The following ARHGAP17 variants were observed in gnomAD, a reference collection of about 807,000 sequenced individuals.
ARHGAP17 encodes the protein rho GTPase-activating protein 17.
In ARHGAP17, 57 loss-of-function variants were observed where a neutral mutation model predicts 99.5. That is an observed-to-expected ratio of 0.57 (90% CI 0.46 to 0.71). The LOEUF (loss-of-function observed/expected upper bound fraction) is 0.71. Ranked by LOEUF, ARHGAP17 falls within the 30% of genes least tolerant of loss-of-function variation. ARHGAP17 has a pLI of 0.00. For synonymous variants in ARHGAP17, 417 were observed against 429.6 expected (o/e 0.97, Z 0.36); for missense variants, 1,000 against 1,122.4 (o/e 0.89, Z 1.56).
intron 1 of ARHGAP17, among the ~76,000 whole-genome samples, chr16:25,006,759 C>T (rs544795255): frequency 6.6e-6 from 1 of 152,280 alleles, no homozygotes; most frequent in Admixed American, 6.5e-5. Flanking sequence ...GCCAAAGTCT[C>T]GTGACTCACA....
chr16:24,965,056 A>G lies in ARHGAP17; in HGVS notation c.462-748T>C, dbSNP rs138690125. On this transcript the variant is annotated intron_variant, in intron 6 of 19. Transcript: ENST00000289968. Reference sequence around the variant, plus strand: ...GGGGAAAAGTGGGAAATAATCATAGAAAACAATTTGTTTTGATTTTCAAAT... The same window carrying G: ...GGGGAAAAGTGGGAAATAATCATAGGAAACAATTTGTTTTGATTTTCAAAT... 3.3e-3 allele frequency among the ~76,000 whole-genome samples: 504 copies of G among 152,372 alleles called. 5 individuals carry two copies. The highest frequency in any genetic ancestry group is 0.011 in the African/African-American group (477 of 41,598).
chr16:24,946,665 G>A (rs1282587561), intron 14 of ARHGAP17, among the ~76,000 whole-genome samples: 2 of 152,212 alleles, frequency 1.3e-5, no homozygotes, highest in African/African-American at 2.4e-5. Context: ...TGTGAAGGAT[G>A]CCCTCCTTAT....
intron 1 of ARHGAP17, among the ~76,000 whole-genome samples, chr16:25,007,886 A>T (rs1567272703): frequency 6.6e-6 from 1 of 152,198 alleles, no homozygotes; most frequent in Non-Finnish European, 1.5e-5. Context: ...CACGTTCACC[A>T]TGGCAACAAG....
At chr16:24,934,271 C>T (rs943345443) in intron 18 of ARHGAP17, among the ~76,000 whole-genome samples, 1 of 152,160 alleles carries the variant, frequency 6.6e-6, no homozygotes, top group Non-Finnish European at 1.5e-5. Context: ...AGCAATTCTC[C>T]TGCCTCAGCC....
intron 14 of ARHGAP17, among the ~76,000 whole-genome samples, chr16:24,946,330 C>G (rs558328295): frequency 6.6e-5 from 10 of 151,798 alleles, no homozygotes; most frequent in African/African-American, 2.4e-4. Context: ...CACGAAGCCA[C>G]GTGACATGCC....
At position 24,931,377 on chromosome 16, in the gene ARHGAP17, G is replaced by C; in HGVS notation, c.1922C>G (p.Pro641Arg). 3 of 1,513,706 alleles carry C rather than the reference G, an allele frequency of 2.0e-6. No individual in the cohort carries two copies. The highest frequency in any genetic ancestry group is 2.6e-6 in the Non-Finnish European group (3 of 1,134,276). 93.8% of individuals were successfully genotyped at this position (1,513,706 alleles called of 1,614,324 possible). The part of the protein sequence containing the change: ...RAVKKPAPAP[P>R]KPGNPPPGHP... ...GCCAGGAGGTGGGTTGCCCGGTTTC[G>C]GGGGTGCTGGAGCGGGTTTTTTAAC... Residue 641 changes from proline to arginine, a missense_variant, in exon 19 of 20, where the codon CCG (proline) becomes CGG (arginine). This residue lies in a region of ARHGAP17 where 528 missense variants were observed against 511.4 expected (regional missense o/e 1.03). Transcript: ENST00000289968.
intron 1 of ARHGAP17, among the ~76,000 whole-genome samples, chr16:25,013,502 T>C (rs1292181840): frequency 6.6e-6 from 1 of 152,062 alleles, no homozygotes; most frequent in African/African-American, 2.4e-5. Flanking sequence ...CCACCTGTAG[T>C]TCCAACCACA....
At chr16:24,937,073 C>T (rs1173196480) in intron 17 of ARHGAP17, among the ~76,000 whole-genome samples, 1 of 150,882 alleles carries the variant, frequency 6.6e-6, no homozygotes, top group Non-Finnish European at 1.5e-5. Flanking sequence ...GCCATGATCA[C>T]ACCACTGCCC....
chr16:25,006,770 G>A (rs2053518674), intron 1 of ARHGAP17, among the ~76,000 whole-genome samples: 1 of 152,200 alleles, frequency 6.6e-6, no homozygotes, highest in South Asian at 2.1e-4. Flanking sequence ...GTGACTCACA[G>A]ACTAGAAGAT....
In ARHGAP17 at chr16:24,974,112, A is replaced by C. The variant is rs372175845; in HGVS notation, c.198+3103T>G. ...AACATTAAGATACTTCCTGTGTGGA[A>C]CTATTTCACCAGGCACTACAAAACA... On this transcript the variant is annotated intron_variant, in intron 3 of 19. Transcript: ENST00000289968. Among the ~76,000 whole-genome samples, 15 of 152,346 alleles carry C rather than the reference A, an allele frequency of 9.8e-5. 1 individual carries two copies. Among genetic ancestry groups the C allele is most frequent in the African/African-American group, 3.6e-4 (15 of 41,590 alleles).
chr16:24,977,409 T>C (rs1315042659), intron 2 of ARHGAP17, 90 bp from the exon 3 acceptor site: 7 of 1,090,162 alleles, frequency 6.4e-6, no homozygotes, highest in African/African-American at 1.6e-5. Context: ...TGAATCTACA[T>C]GCAGGGAAAA....
At chr16:24,978,943 T>C (rs1465016283) in intron 2 of ARHGAP17, 23 bp downstream of exon 2, 12 of 1,568,040 alleles carry the variant, frequency 7.7e-6, no homozygotes, top group Non-Finnish European at 1.0e-5. Flanking sequence ...ACAGATCATT[T>C]AAAGGAGACT....
intron 19 of ARHGAP17, among the ~76,000 whole-genome samples, chr16:24,929,029 C>G (rs2050912420): frequency 6.6e-6 from 1 of 152,156 alleles, no homozygotes; most frequent in Admixed American, 6.6e-5. Context: ...ACACAATTTC[C>G]TCCCGTGCTG....
intron 1 of ARHGAP17, among the ~76,000 whole-genome samples, chr16:25,013,328 TA>T (rs1397446506): frequency 1.3e-5 from 2 of 152,082 alleles, no homozygotes; most frequent in Non-Finnish European, 2.9e-5. Context: ...GCCGGAATTT[TA>T]AAATGTGAAG....
intron 6 of ARHGAP17, among the ~76,000 whole-genome samples, chr16:24,964,971 G>A (rs1039225920): frequency 5.3e-5 from 8 of 151,856 alleles, no homozygotes; most frequent in African/African-American, 1.9e-4. Context: ...AATAATGTAG[G>A]TATCAATCAA....
chr16:25,006,963 C>T (rs867854646), intron 1 of ARHGAP17, among the ~76,000 whole-genome samples: 9 of 152,104 alleles, frequency 5.9e-5, no homozygotes, highest in Non-Finnish European at 8.8e-5. Context: ...CCCAGGGGAA[C>T]GGTCTGAGAA....
chr16:24,982,965 CATATATATATATATAT>C (rs144714067), intron 1 of ARHGAP17, among the ~76,000 whole-genome samples: 40 of 32,748 alleles, frequency 1.2e-3, no homozygotes, highest in Admixed American at 3.2e-3. Context: ...CTTGATAAAT[CATATATATATATATAT>C]ATATATATAT....
At chr16:24,952,434 T>C in intron 11 of ARHGAP17, 64 bp from the exon 12 acceptor site, 1 of 1,323,656 alleles carries the variant, frequency 7.6e-7, no homozygotes, top group Non-Finnish European at 1.1e-6. Flanking sequence ...TTGGGACATA[T>C]TATTTTGCAA....
At chr16:24,965,347 G>A (rs112241547) in intron 6 of ARHGAP17, among the ~76,000 whole-genome samples, 171 of 152,318 alleles carry the variant, frequency 1.1e-3, no homozygotes, top group Non-Finnish European at 1.8e-3. Context: ...GCAGGCGCCT[G>A]TAGTCCCAGC....
Sources: allele counts gnomAD v4.1 joint callset (sites outside exome capture counted in the v4.1 genomes callset), GRCh38; gene constraint gnomAD v4.1.1; regional missense constraint gnomAD v4.1.1; transcripts MANE v1.5; gene names NCBI Gene and HGNC (gene_info 2026-07-23, HGNC 2026-07-21).